CADM2: variants seen among roughly 807,000 people sequenced by gnomAD.
CADM2 encodes the protein cell adhesion molecule 2.
A neutral mutation model predicts 49.8 loss-of-function variants in CADM2; 12 were observed. The observed-to-expected ratio is 0.24, with a 90% CI of 0.15 to 0.39. The LOEUF (loss-of-function observed/expected upper bound fraction) is 0.39, where lower values mean the gene tolerates loss of function less well. CADM2 is among the 10% of genes least tolerant of loss of function. CADM2 has a pLI of 1.00. For synonymous variants in CADM2, 214 were observed against 175.4 expected (o/e 1.22, Z -1.74); for missense variants, 378 against 492.3 (o/e 0.77, Z 2.20).
intron 1 of CADM2, among the ~76,000 whole-genome samples, chr3:85,606,232 T>G (rs1386971960): frequency 1.3e-5 from 2 of 152,098 alleles, no homozygotes; most frequent in African/African-American, 4.8e-5. Flanking sequence ...CTAGTGAGTA[T>G]CAGTAGAATT....
chr3:85,474,283 T>G (rs1576620192), intron 1 of CADM2, among the ~76,000 whole-genome samples: 1 of 151,772 alleles, frequency 6.6e-6, no homozygotes, highest in Non-Finnish European at 1.5e-5. Context: ...GAGACCTAGG[T>G]AAGTGTTGAA....
At position 84,959,514 on chromosome 3, in the gene CADM2, A is replaced by G. The variant is rs2030231726; in HGVS notation, c.-94A>G. The G allele has an allele frequency of 8.1e-7, 1 of 1,236,204 alleles. No homozygotes were observed. The highest frequency in any genetic ancestry group is 1.5e-5 in the African/African-American group (1 of 66,410). 76.6% of individuals were successfully genotyped at this position (1,236,204 alleles called of 1,614,324 possible). On this transcript the variant is annotated 5_prime_UTR_variant, in exon 1 of 10. Coordinates refer to ENST00000383699, the MANE Select transcript of CADM2 (RefSeq NM_001167675.2). The stretch of plus-strand genomic sequence containing the variant: ...GACGGTGGGTCCGGCGGGCGCCGGG[A>G]GGAGGACACCAGCGGAGCCCTGCAC...
intron 1 of CADM2, among the ~76,000 whole-genome samples, chr3:85,423,219 C>T (rs573995968): frequency 6.6e-6 from 1 of 152,194 alleles, no homozygotes; most frequent in Non-Finnish European, 1.5e-5. Flanking sequence ...TACTCTTCTC[C>T]TGTGCCACTC....
chr3:85,212,896 C>CTTTT lies in CADM2; in HGVS notation c.61+253229_61+253232dup, dbSNP rs143901958. Among the ~76,000 whole-genome samples the CTTTT allele has an allele frequency of 1.2e-3, 144 of 117,970 alleles. 6 individuals carry two copies. Among genetic ancestry groups the CTTTT allele is most frequent in the African/African-American group, 6.0e-3 (138 of 23,118 alleles). 77.4% of individuals were successfully genotyped at this position (117,970 alleles called of 152,430 possible). ...TTTCTTTCTTTCTTTCTCTTTCTTT[C>CTTTT]TTTTAATGGAGTCTCACACTGTCAC... On this transcript the variant is annotated intron_variant, in intron 1 of 9. Transcript: ENST00000383699.
intron 2 of CADM2, among the ~76,000 whole-genome samples, chr3:85,754,818 A>AAAAC (rs963907197): frequency 6.6e-6 from 1 of 152,228 alleles, no homozygotes; most frequent in African/African-American, 2.4e-5. Flanking sequence ...TTTTAACAAA[A>AAAAC]AAACAAACAA....
chr3:85,368,997 A>G (rs903073895), intron 1 of CADM2, among the ~76,000 whole-genome samples: 2 of 152,108 alleles, frequency 1.3e-5, no homozygotes, highest in African/African-American at 4.8e-5. Context: ...GAAAATTAAA[A>G]AATCTAATGT....
chr3:86,042,596 C>T (rs1250916170), intron 8 of CADM2, among the ~76,000 whole-genome samples: 1 of 151,984 alleles, frequency 6.6e-6, no homozygotes, highest in Non-Finnish European at 1.5e-5. Flanking sequence ...AATAGCTTAC[C>T]AACCAAAAAA....
chr3:85,354,752 A>G (rs2107253746), intron 1 of CADM2, among the ~76,000 whole-genome samples: 2 of 152,140 alleles, frequency 1.3e-5, no homozygotes, highest in African/African-American at 4.8e-5. Context: ...AAAGAGTTGC[A>G]GCTTACAGGC....
At chr3:85,511,988 C>A in intron 1 of CADM2, 1 of 611,448 alleles carries the variant, frequency 1.6e-6, no homozygotes, top group Non-Finnish European at 2.0e-6. Context: ...GTTTTAAAGC[C>A]AATGTTCTTT....
chr3:85,728,916 T>C (rs1169040815), intron 2 of CADM2, among the ~76,000 whole-genome samples: 1 of 152,196 alleles, frequency 6.6e-6, no homozygotes, highest in Non-Finnish European at 1.5e-5. Flanking sequence ...AGTAATAGCA[T>C]AGGAAATTAC....
chr3:85,961,727 G>A, intron 8 of CADM2, 80 bp downstream of exon 8: 1 of 993,628 alleles, frequency 1.0e-6, no homozygotes, highest in Non-Finnish European at 1.4e-6. Flanking sequence ...AATTTTAAGT[G>A]CAGTGAACAA....
intron 8 of CADM2, chr3:86,027,753 A>C (rs1734069687): frequency 6.6e-6 from 1 of 152,126 alleles, no homozygotes; most frequent in Admixed American, 6.6e-5. Flanking sequence ...GGTTTCAATA[A>C]CTTTTCAATT....
chr3:86,037,753 C>T (rs892581619), intron 8 of CADM2, among the ~76,000 whole-genome samples: 5 of 151,934 alleles, frequency 3.3e-5, no homozygotes, highest in African/African-American at 9.7e-5. Flanking sequence ...TACCATATAC[C>T]AGACATACAC....
chr3:85,772,500 A>G (rs1302620554), intron 2 of CADM2, among the ~76,000 whole-genome samples: 1 of 152,102 alleles, frequency 6.6e-6, no homozygotes, highest in African/African-American at 2.4e-5. Flanking sequence ...TCTCAGAAAC[A>G]AACAAAAATG....
At chr3:86,048,055 T>G (rs1347110115) in intron 8 of CADM2, among the ~76,000 whole-genome samples, 2 of 152,178 alleles carry the variant, frequency 1.3e-5, no homozygotes, top group Non-Finnish European at 2.9e-5. Context: ...AGTATTAATA[T>G]GTATAAAAAA....
chr3:86,020,422 G>A (rs1285632347), intron 8 of CADM2, among the ~76,000 whole-genome samples: 1 of 152,004 alleles, frequency 6.6e-6, no homozygotes, highest in African/African-American at 2.4e-5. Context: ...GGAGGAACTG[G>A]TACCATTCCT....
chr3:85,625,134 G>A (rs2064088006), intron 1 of CADM2, among the ~76,000 whole-genome samples: 1 of 152,096 alleles, frequency 6.6e-6, no homozygotes, highest in African/African-American at 2.4e-5. Context: ...CTGTGAAAGT[G>A]CTAATGAATA....
chr3:85,194,086 T>G lies in CADM2; in HGVS notation c.61+234418T>G, dbSNP rs114836530. 4.8e-3 allele frequency among the ~76,000 whole-genome samples: 727 copies of G among 152,226 alleles called. 7 individuals carry two copies. The highest frequency in any genetic ancestry group is 0.017 in the African/African-American group (704 of 41,560). ...CTTCCTAAAGAAGTAGTTTATGAAC[T>G]AAAATCTGGAGGATATGTTGGTGAA... On this transcript the variant is annotated intron_variant, in intron 1 of 9. Transcript: ENST00000383699.
At chr3:85,874,104 TACA>T (rs962554804) in intron 3 of CADM2, among the ~76,000 whole-genome samples, 2 of 152,310 alleles carry the variant, frequency 1.3e-5, no homozygotes, top group Admixed American at 6.5e-5. Flanking sequence ...TTCTTAATTG[TACA>T]ACAAGTGCCT....
Sources: gnomAD v4.1 joint callset for allele counts (sites outside exome capture counted in the v4.1 genomes callset) on GRCh38, gnomAD v4.1.1 for gene constraint, MANE v1.5 for transcripts, NCBI Gene and HGNC (gene_info 2026-07-23, HGNC 2026-07-21) for gene names.